RBFOX1: variants seen among roughly 807,000 people sequenced by gnomAD.
The protein encoded by RBFOX1 is RNA binding fox-1 homolog 1, also known as RNA binding protein fox-1 homolog 1.
A neutral mutation model predicts 57.7 loss-of-function variants in RBFOX1; 8 were observed. The observed-to-expected ratio is 0.14, with a 90% CI of 0.08 to 0.25. The LOEUF (loss-of-function observed/expected upper bound fraction) is 0.25, where lower values mean the gene tolerates loss of function less well. Ranked by LOEUF, RBFOX1 falls within the 10% of genes least tolerant of loss-of-function variation. The pLI is 1.00. For missense variants in RBFOX1, 611 were observed against 548.5 expected, an observed-to-expected ratio of 1.11 and a Z score of -1.14; for synonymous variants, 326 against 222.4, an observed-to-expected ratio of 1.47 and a Z score of -4.15.
In RBFOX1 at chr16:6,879,214, G is replaced by C. The variant is rs1037969224; in HGVS notation, c.-15-172843G>C. On this transcript the variant is annotated intron_variant, in intron 3 of 15. Coordinates refer to ENST00000550418, the MANE Select transcript of RBFOX1 (RefSeq NM_018723.4). ...TTGTCCAGTAATATGATATTTTTAT[G>C]ATTATTCAATGAATTGATTTTTATG... Among the ~76,000 whole-genome samples, 33 of 152,092 alleles carry C rather than the reference G, an allele frequency of 2.2e-4. 1 individual carries two copies.
intron 4 of RBFOX1, among the ~76,000 whole-genome samples, chr16:7,301,780 C>T (rs191713128): frequency 1.3e-5 from 2 of 152,038 alleles, no homozygotes; most frequent in African/African-American, 2.4e-5. Flanking sequence ...CGAACCCGTC[C>T]GTACAGCAGA....
chr16:7,640,955 T>C (rs2062688381), intron 11 of RBFOX1, among the ~76,000 whole-genome samples: 1 of 151,214 alleles, frequency 6.6e-6, no homozygotes, highest in Non-Finnish European at 1.5e-5. Flanking sequence ...AGCAGGTAAG[T>C]TGCAGGGGCC....
intron 4 of RBFOX1, among the ~76,000 whole-genome samples, chr16:7,241,227 A>C (rs2094040222): frequency 6.6e-6 from 1 of 152,118 alleles, no homozygotes; most frequent in African/African-American, 2.4e-5. Flanking sequence ...AATCACACGG[A>C]GTTTTTATTC....
chr16:6,597,070 C>T (rs1260764891), intron 2 of RBFOX1, among the ~76,000 whole-genome samples: 1 of 152,082 alleles, frequency 6.6e-6, no homozygotes, highest in African/African-American at 2.4e-5. Context: ...CTGTTTGTCA[C>T]CCTGACTGCA....
intron 3 of RBFOX1, among the ~76,000 whole-genome samples, chr16:6,718,581 A>C (rs1404832846): frequency 6.6e-6 from 1 of 152,232 alleles, no homozygotes; most frequent in Non-Finnish European, 1.5e-5. Context: ...TCCCCGCCCA[A>C]ATCTCATGTT....
intron 4 of RBFOX1, among the ~76,000 whole-genome samples, chr16:5,893,851 A>G (rs572844760): frequency 4.2e-4 from 64 of 152,260 alleles, no homozygotes; most frequent in African/African-American, 1.3e-3. Flanking sequence ...TGCACCTGCT[A>G]TGTACCTACA....
At chr16:7,555,646 C>T (rs574260206) in intron 5 of RBFOX1, among the ~76,000 whole-genome samples, 130 of 152,264 alleles carry the variant, frequency 8.5e-4, no homozygotes, top group African/African-American at 3.0e-3. Context: ...TCCCCTTGAA[C>T]GTTCTGTACC....
At chr16:5,373,247 AC>A (rs1275841111) in intron 1 of RBFOX1, among the ~76,000 whole-genome samples, 1 of 151,902 alleles carries the variant, frequency 6.6e-6, no homozygotes, top group East Asian at 1.9e-4. Flanking sequence ...AAAGATATGG[AC>A]CCCAATTTTA....
At chr16:7,151,938 T>C (rs539567347) in intron 4 of RBFOX1, among the ~76,000 whole-genome samples, 1 of 152,172 alleles carries the variant, frequency 6.6e-6, no homozygotes, top group Non-Finnish European at 1.5e-5. Flanking sequence ...GCTGTAAATA[T>C]AGATGAAGCT....
At chr16:6,824,184 C>A (rs573323508) in intron 3 of RBFOX1, among the ~76,000 whole-genome samples, 1 of 152,218 alleles carries the variant, frequency 6.6e-6, no homozygotes, top group South Asian at 2.1e-4. Flanking sequence ...GCGGGTGGAT[C>A]ACCTGAGGTC....
At chr16:7,000,381 C>G (rs930012734) in intron 3 of RBFOX1, among the ~76,000 whole-genome samples, 3 of 152,150 alleles carry the variant, frequency 2.0e-5, no homozygotes, top group Non-Finnish European at 4.4e-5. Flanking sequence ...GGTACCACCT[C>G]CAACTCAGTG....
chr16:5,298,140 C>T (rs927072531), intron 1 of RBFOX1, among the ~76,000 whole-genome samples: 1 of 152,120 alleles, frequency 6.6e-6, no homozygotes, highest in Admixed American at 6.5e-5. Context: ...CCTAAGTGCC[C>T]ATTGATGGTT....
chr16:6,478,309 G>A lies in RBFOX1; in HGVS notation c.-64+161252G>A, dbSNP rs113737979. 6.4e-3 allele frequency among the ~76,000 whole-genome samples: 851 copies of A among 132,100 alleles called. 14 individuals carry two copies. Among genetic ancestry groups the A allele is most frequent in the African/African-American group, 0.023 (813 of 34,602 alleles). 86.7% of individuals were successfully genotyped at this position (132,100 alleles called of 152,430 possible). ...GTGATCTCAGCTTACTGCAACCTCC[G>A]CCTCCCAGGTTCAAGCGATTCTCCT... On this transcript the variant is annotated intron_variant, in intron 2 of 15. Transcript: ENST00000550418.
At chr16:5,621,398 G>A (rs534755827) in intron 3 of RBFOX1, among the ~76,000 whole-genome samples, 57 of 152,314 alleles carry the variant, frequency 3.7e-4, no homozygotes, top group Non-Finnish European at 7.1e-4. Context: ...TGCACCCAGT[G>A]TAGGCCGTCA....
At chr16:5,699,888 C>T (rs1472123084) in intron 3 of RBFOX1, among the ~76,000 whole-genome samples, 1 of 152,140 alleles carries the variant, frequency 6.6e-6, no homozygotes, top group Non-Finnish European at 1.5e-5. Context: ...GGCTGGAGTG[C>T]AGTGGTGCGA....
At chr16:5,536,037 C>G (rs183603078) in intron 2 of RBFOX1, among the ~76,000 whole-genome samples, 16 of 152,038 alleles carry the variant, frequency 1.1e-4, no homozygotes, top group African/African-American at 2.7e-4. Context: ...GACAGGGAAT[C>G]TCTTACTTTT....
intron 4 of RBFOX1, among the ~76,000 whole-genome samples, chr16:7,271,909 G>A (rs1167821545): frequency 2.0e-5 from 3 of 152,058 alleles, no homozygotes; most frequent in African/African-American, 7.2e-5. Context: ...ACATCCATGA[G>A]TGCCCCAGTC....
chr16:5,762,751 A>G (rs533979207), intron 3 of RBFOX1, among the ~76,000 whole-genome samples: 21 of 152,322 alleles, frequency 1.4e-4, no homozygotes, highest in Admixed American at 1.2e-3. Context: ...CAGCCATTAA[A>G]TATGATTTGG....
In RBFOX1 at chr16:5,558,839, G is replaced by C. The variant is rs150380015; in HGVS notation, c.259-40063G>C. Among the ~76,000 whole-genome samples the C allele has an allele frequency of 3.7e-3, 569 of 152,226 alleles. 3 individuals are homozygous for C. The highest frequency in any genetic ancestry group is 0.013 in the African/African-American group (543 of 41,530). On this transcript the variant is annotated intron_variant, in intron 2 of 2. Coordinates refer to the RBFOX1 transcript ENST00000585867. ...CATGCAAAGGTGTCAGAAAACTAGA[G>C]CAGGAGTTCTCAAAGGTCCACGTAC...
Sources: allele counts gnomAD v4.1 joint callset (sites outside exome capture counted in the v4.1 genomes callset), GRCh38; gene constraint gnomAD v4.1.1; transcripts MANE v1.5; gene names NCBI Gene and HGNC (gene_info 2026-07-23, HGNC 2026-07-21).